DPYS: variants seen among roughly 807,000 people sequenced by gnomAD.
DPYS encodes dihydropyrimidine amidohydrolase.
In DPYS, 39 loss-of-function variants were observed where a neutral mutation model predicts 50.3. That is an observed-to-expected ratio of 0.78 (90% CI 0.60 to 1.01). The LOEUF (loss-of-function observed/expected upper bound fraction) is 1.01. Ranked by LOEUF, DPYS falls within the 50% of genes least tolerant of loss-of-function variation. The pLI is 0.00. For synonymous variants in DPYS, 245 were observed against 250.7 expected, an observed-to-expected ratio of 0.98 and a Z score of 0.22; for missense variants, 659 against 680.9, an observed-to-expected ratio of 0.97 and a Z score of 0.36.
chr8:104,380,246 A>G (rs1232813681), intron 9 of DPYS, among the ~76,000 whole-genome samples: 4 of 152,202 alleles, frequency 2.6e-5, no homozygotes, highest in African/African-American at 7.2e-5. Flanking sequence ...AAAATGTGAA[A>G]AGGTGCAGTG....
intron 8 of DPYS, among the ~76,000 whole-genome samples, chr8:104,390,151 G>T (rs986925354): frequency 1.3e-5 from 2 of 152,270 alleles, no homozygotes; most frequent in East Asian, 1.9e-4. Flanking sequence ...CACTTCAGGC[G>T]TCACATAATC....
At chr8:104,448,916 C>A (rs534672762) in intron 2 of DPYS, among the ~76,000 whole-genome samples, 1 of 152,314 alleles carries the variant, frequency 6.6e-6, no homozygotes, top group South Asian at 2.1e-4. Flanking sequence ...TCCTTACTTG[C>A]TGATCACCTG....
Position 104,392,974 on chromosome 8 carries a change from GTTTTT to G in DPYS, c.1248_1252del (p.Lys417SerfsTer6). The G allele has an allele frequency of 1.9e-6, 3 of 1,614,038 alleles. No individual in the cohort carries two copies. The highest frequency in any genetic ancestry group is 2.5e-6 in the Non-Finnish European group (3 of 1,179,944). On this transcript the variant is annotated frameshift_variant, in exon 8 of 10. Transcript: ENST00000351513. LOFTEE classifies it high-confidence loss of function. ...GTTGAAGTTAACAGCCTGATGATGAGTTTTTGCTGAGATAGTCCTATATTTGTGAA... is the reference window on the plus strand; with the variant it reads ...GTTGAAGTTAACAGCCTGATGATGAGGCTGAGATAGTCCTATATTTGTGAA...
intron 7 of DPYS, 115 bp downstream of exon 7, chr8:104,424,132 C>T (rs1812641320): frequency 1.9e-6 from 3 of 1,589,936 alleles, no homozygotes; most frequent in Non-Finnish European, 2.6e-6. Flanking sequence ...TACCTGAGCA[C>T]AGCTAAAGAA....
intron 7 of DPYS, among the ~76,000 whole-genome samples, chr8:104,423,740 A>G (rs1319541468): frequency 8.5e-5 from 13 of 152,212 alleles, no homozygotes; most frequent in South Asian, 4.1e-4. Flanking sequence ...ATATTAACAT[A>G]GAATTATGGA....
In DPYS at chr8:104,424,281, C is replaced by T; in HGVS notation, c.1201G>A (p.Ala401Thr). The change falls in exon 7 of 10, where the codon GCT becomes ACT. Residue 401 changes from alanine to threonine, a missense_variant. By Grantham distance (58) the Ala-to-Thr change is moderately conservative. Coordinates refer to ENST00000351513, the MANE Select transcript of DPYS (RefSeq NM_001385.3). ...TTTGGGTCCCAAATAACAATGTCAG[C>T]ATCTGATCCTACAGCTATTCTTCCT... Reference protein sequence around the residue: ...RKGRIAVGSDADIVIWDPKGT... With the variant: ...RKGRIAVGSDTDIVIWDPKGT... 1.9e-6 allele frequency: 3 copies of T among 1,614,160 alleles called. No homozygotes were observed. Among genetic ancestry groups the T allele is most frequent in the East Asian group, 2.2e-5 (1 of 44,864 alleles).
chr8:104,403,959 A>AT (rs753032285), intron 7 of DPYS, among the ~76,000 whole-genome samples: 1 of 152,216 alleles, frequency 6.6e-6, no homozygotes, highest in Non-Finnish European at 1.5e-5. Context: ...AAACAGAAAC[A>AT]TAAGTGCCTT....
In DPYS at chr8:104,393,050, TA is replaced by T. The variant is rs1250328878; in HGVS notation, c.1236-60del. 2.0e-6 allele frequency: 3 copies of T among 1,483,340 alleles called. No homozygotes were observed. In the Admixed American group the frequency reaches 5.2e-5, roughly 26 times the overall value. 91.9% of individuals were successfully genotyped at this position (1,483,340 alleles called of 1,614,324 possible). On this transcript the variant is annotated intron_variant, in intron 7 of 9. Transcript: ENST00000351513. ...TCATCACCAGCTCACTTGATAAATA[TA>T]AAATATTAAAAGAAGAATGACTTAG...
chr8:104,429,606 T>C lies in DPYS; in HGVS notation c.889A>G (p.Met297Val). Residue 297 changes from methionine (M) to valine (V), a missense_variant, in exon 5 of 10, where the codon ATG (methionine) becomes GTG (valine). By Grantham distance (21) the Met-to-Val change is conservative. Transcript: ENST00000351513. ...KEWHHAAHHV[M>V]GPPLRPDPST... ...GGGTCTGGTCGCAAAGGTGGACCCA[T>C]GACATGGTGGGCTGCATGGTGCCAT... 1 of 1,614,146 alleles carries C rather than the reference T, an allele frequency of 6.2e-7. No homozygotes were observed. The highest frequency in any genetic ancestry group is 1.1e-5 in the South Asian group (1 of 91,084).
chr8:104,455,162 A>G (rs1454052290), intron 1 of DPYS, among the ~76,000 whole-genome samples: 2 of 152,206 alleles, frequency 1.3e-5, no homozygotes, highest in African/African-American at 4.8e-5. Context: ...AACTTAATAC[A>G]GAACCGTCAA....
rs1453077686 is a variant in DPYS, at chr8:104,379,654, T to C, written c.*204A>G. ...CATCACAATAATATAAATTTATACCTTCAATCTTATGCAGCAACAAAAACA... is the reference window on the plus strand; with the variant it reads ...CATCACAATAATATAAATTTATACCCTCAATCTTATGCAGCAACAAAAACA... On this transcript the variant is annotated 3_prime_UTR_variant, in exon 10 of 10. Transcript: ENST00000351513. 2.9e-6 allele frequency: 1 copy of C among 340,342 alleles called. No individual in the cohort carries two copies. The highest frequency in any genetic ancestry group is 5.9e-6 in the Non-Finnish European group (1 of 170,412). The allele number at this position is 340,342 out of a possible 1,614,324, so 21.1% of individuals were successfully genotyped here.
At chr8:104,453,930 A>G (rs137903618) in intron 1 of DPYS, among the ~76,000 whole-genome samples, 190 of 152,354 alleles carry the variant, frequency 1.2e-3, no homozygotes, top group African/African-American at 4.4e-3. Flanking sequence ...CTAAGTGAGA[A>G]AAGCTAGTCA....
intron 8 of DPYS, among the ~76,000 whole-genome samples, chr8:104,384,691 C>T (rs1013375399): frequency 5.3e-5 from 8 of 152,220 alleles, no homozygotes; most frequent in Non-Finnish European, 5.9e-5. Flanking sequence ...GAGCCTCTTT[C>T]TCTGGCATCC....
At chr8:104,385,873 G>A (rs903767924) in intron 8 of DPYS, among the ~76,000 whole-genome samples, 6 of 152,152 alleles carry the variant, frequency 3.9e-5, no homozygotes, top group African/African-American at 7.2e-5. Flanking sequence ...CCAGCGCCTC[G>A]TTCTTGGACT....
chr8:104,418,942 G>A (rs1242753527), intron 7 of DPYS: 12 of 929,492 alleles, frequency 1.3e-5, no homozygotes, highest in African/African-American at 1.8e-5. Context: ...GCGGCTTGCC[G>A]AGGTGCTCCT....
Position 104,444,341 on chromosome 8 carries a change from T to A in DPYS, c.700A>T (p.Ile234Phe). The change falls in exon 4 of 10, where the codon ATC becomes TTC. Residue 234 changes from isoleucine to phenylalanine, a missense_variant. By Grantham distance (21) the Ile-to-Phe change is conservative. Coordinates refer to ENST00000351513, the MANE Select transcript of DPYS (RefSeq NM_001385.3). ...CAGTTCACAGCGCTGGCTATGGTGA[T>A]GGCTCTCAGCGTGGCCTCTGCCTCC... ...AVEAEATLRA[I>F]TIASAVNCPL... 1 of 1,614,268 alleles carries A rather than the reference T, an allele frequency of 6.2e-7. No individual in the cohort carries two copies. Among genetic ancestry groups the A allele is most frequent in the Non-Finnish European group, 8.5e-7 (1 of 1,180,050 alleles).
At chr8:104,431,516 T>A (rs747768632) in intron 4 of DPYS, among the ~76,000 whole-genome samples, 19 of 151,852 alleles carry the variant, frequency 1.3e-4, no homozygotes, top group Non-Finnish European at 2.5e-4. Context: ...TCACTATTTC[T>A]AAGGCATTTT....
chr8:104,393,525 G>C (rs978344920), intron 7 of DPYS, among the ~76,000 whole-genome samples: 1 of 152,056 alleles, frequency 6.6e-6, no homozygotes, highest in Non-Finnish European at 1.5e-5. Context: ...AAGTATGTAT[G>C]GAATTTCTTT....
chr8:104,396,227 A>C (rs1811579846), intron 7 of DPYS, among the ~76,000 whole-genome samples: 1 of 152,160 alleles, frequency 6.6e-6, no homozygotes, highest in African/African-American at 2.4e-5. Flanking sequence ...TATTGATGGG[A>C]GGGACTCTTG....
Sources: gnomAD v4.1 joint callset for allele counts (sites outside exome capture counted in the v4.1 genomes callset) on GRCh38, gnomAD v4.1.1 for gene constraint, MANE v1.5 for transcripts, NCBI Gene and HGNC (gene_info 2026-07-23, HGNC 2026-07-21) for gene names.